Variants in PPP3CA observed in about 807,000 individuals in gnomAD.
The protein encoded by PPP3CA is protein phosphatase 3 catalytic subunit alpha, also known as CAM-PRP catalytic subunit.
PPP3CA carries 14 observed loss-of-function variants against 66.5 expected under a neutral mutation model. The ratio of observed to expected loss-of-function variants is 0.21; its 90% confidence interval spans 0.14 to 0.33. The LOEUF is 0.33. Ranked by LOEUF, PPP3CA falls within the 10% of genes least tolerant of loss-of-function variation. The probability of loss-of-function intolerance (pLI) is 1.00; values close to 1 mark genes in which losing one functional copy is unlikely to be tolerated. For missense variants in PPP3CA, 317 were observed against 639.5 expected (o/e 0.50, Z 5.44); for synonymous variants, 232 against 226.2 (o/e 1.03, Z -0.23).
At chr4:101,059,290 C>A (rs1037936191) in intron 10 of PPP3CA, among the ~76,000 whole-genome samples, 10 of 151,998 alleles carry the variant, frequency 6.6e-5, no homozygotes, top group African/African-American at 2.2e-4. Context: ...TATTTAAGTT[C>A]TTATATATTC....
chr4:101,136,411 T>G (rs781750125), intron 2 of PPP3CA, among the ~76,000 whole-genome samples: 6 of 152,016 alleles, frequency 3.9e-5, no homozygotes, highest in Non-Finnish European at 7.4e-5. Flanking sequence ...CATGGTGGCA[T>G]GTGCCTGTAG....
intron 2 of PPP3CA, among the ~76,000 whole-genome samples, chr4:101,173,067 A>C (rs965865816): frequency 5.3e-5 from 8 of 152,084 alleles, no homozygotes; most frequent in Admixed American, 5.2e-4. Flanking sequence ...CCTCTCTACA[A>C]CTTCTTCCTC....
chr4:101,131,556 T>A (rs2110283104), intron 2 of PPP3CA, among the ~76,000 whole-genome samples: 1 of 151,760 alleles, frequency 6.6e-6, no homozygotes, highest in African/African-American at 2.4e-5. Context: ...GAGCTAACTA[T>A]CCTAAATATA....
chr4:101,298,668 T>G (rs1380300909), intron 1 of PPP3CA, among the ~76,000 whole-genome samples: 2 of 152,218 alleles, frequency 1.3e-5, no homozygotes, highest in African/African-American at 4.8e-5. Context: ...ATATGGTATA[T>G]ATAATACATA....
At chr4:101,339,670 A>G (rs1254694571) in intron 1 of PPP3CA, among the ~76,000 whole-genome samples, 1 of 152,238 alleles carries the variant, frequency 6.6e-6, no homozygotes, top group Non-Finnish European at 1.5e-5. Flanking sequence ...GAGGCACATG[A>G]GAATTTTACA....
At chr4:101,115,112 T>C (rs1446906250) in intron 2 of PPP3CA, among the ~76,000 whole-genome samples, 1 of 151,970 alleles carries the variant, frequency 6.6e-6, no homozygotes, top group Non-Finnish European at 1.5e-5. Flanking sequence ...GTAGTGCTGA[T>C]GAGAGAAAAA....
rs534047514 is a variant in PPP3CA at position 101,328,244 on chromosome 4, G to A, written c.58+18495C>T. Among the ~76,000 whole-genome samples the A allele has an allele frequency of 2.0e-4, 31 of 152,260 alleles. 1 individual carries two copies. The South Asian group carries it at 5.4e-3, about 26-fold the overall frequency. On this transcript the variant is annotated intron_variant, in intron 1 of 13. Transcript: ENST00000394854. Reference sequence around the variant, plus strand: ...CAAGGTTCAGTTGGATTCAAAATGCGTTTATGAATCACAAGAACAAACAAC... The same window carrying A: ...CAAGGTTCAGTTGGATTCAAAATGCATTTATGAATCACAAGAACAAACAAC...
intron 4 of PPP3CA, 64 bp downstream of exon 4, chr4:101,099,547 T>G: frequency 2.2e-6 from 2 of 889,910 alleles, no homozygotes; most frequent in South Asian, 3.5e-5. Flanking sequence ...ATGTATCTTA[T>G]TATTGATTAA....
chr4:101,197,299 T>G (rs1004670209), intron 1 of PPP3CA, among the ~76,000 whole-genome samples: 4 of 152,220 alleles, frequency 2.6e-5, no homozygotes, highest in South Asian at 2.1e-4. Context: ...GGCATAGATT[T>G]GTAATCCCGA....
intron 1 of PPP3CA, among the ~76,000 whole-genome samples, chr4:101,343,391 A>G (rs908831548): frequency 2.0e-5 from 3 of 152,194 alleles, no homozygotes; most frequent in Admixed American, 6.5e-5. Flanking sequence ...AAGAAAAGCC[A>G]AAGTTTGAGA....
At chr4:101,214,311 T>C (rs1352763854) in intron 1 of PPP3CA, among the ~76,000 whole-genome samples, 6 of 152,054 alleles carry the variant, frequency 3.9e-5, no homozygotes, top group Non-Finnish European at 8.8e-5. Context: ...AAAATGGGCA[T>C]AATGACAGCA....
At chr4:101,345,688 T>C (rs1362518555) in intron 1 of PPP3CA, among the ~76,000 whole-genome samples, 1 of 152,080 alleles carries the variant, frequency 6.6e-6, no homozygotes, top group Non-Finnish European at 1.5e-5. Context: ...GCCGATAGAT[T>C]CCCGTGCGAC....
rs1730041202 is a variant in PPP3CA, at chr4:101,347,199, A to G, written c.-403T>C. Reference sequence around the variant, plus strand: ...GCGGAATGGAGCCCCACGCGCGCACACACGGCCAGGATTAAGACCGATCAC... The same window carrying G: ...GCGGAATGGAGCCCCACGCGCGCACGCACGGCCAGGATTAAGACCGATCAC... On this transcript the variant is annotated 5_prime_UTR_variant, in exon 1 of 14. Coordinates refer to ENST00000394854, the MANE Select transcript of PPP3CA (RefSeq NM_000944.5). The G allele has an allele frequency of 6.0e-6, 2 of 332,194 alleles. No homozygotes were observed. The highest frequency in any genetic ancestry group is 2.0e-4 in the East Asian group (2 of 10,166). 20.6% of individuals were successfully genotyped at this position (332,194 alleles called of 1,614,324 possible).
At chr4:101,101,634 G>GA (rs1553925027) in intron 3 of PPP3CA, among the ~76,000 whole-genome samples, 1 of 149,566 alleles carries the variant, frequency 6.7e-6, no homozygotes, top group Non-Finnish European at 1.5e-5. Context: ...CTTTTTTAAA[G>GA]TTTTTTTTTT....
At chr4:101,044,229 G>C (rs1360832063) in intron 10 of PPP3CA, among the ~76,000 whole-genome samples, 1 of 151,994 alleles carries the variant, frequency 6.6e-6, no homozygotes, top group South Asian at 2.1e-4. Flanking sequence ...CCAGGTTTTC[G>C]GTATTTTCCA....
intron 1 of PPP3CA, among the ~76,000 whole-genome samples, chr4:101,302,550 G>A (rs1728412444): frequency 1.3e-5 from 2 of 152,070 alleles, no homozygotes; most frequent in African/African-American, 4.8e-5. Flanking sequence ...GTTTTTTTGA[G>A]ATGGAATTTC....
chr4:101,092,528 T>C (rs554915385), intron 6 of PPP3CA, among the ~76,000 whole-genome samples: 5 of 152,110 alleles, frequency 3.3e-5, no homozygotes, highest in African/African-American at 9.6e-5. Flanking sequence ...TGGCGGTTTG[T>C]TGCACCCATC....
At chr4:101,092,505 T>A (rs1447386696) in intron 6 of PPP3CA, among the ~76,000 whole-genome samples, 1 of 152,062 alleles carries the variant, frequency 6.6e-6, no homozygotes, top group African/African-American at 2.4e-5. Context: ...GTTACATAGG[T>A]ATACATGTGC....
chr4:101,205,250 A>G (rs959194288), intron 1 of PPP3CA, among the ~76,000 whole-genome samples: 1 of 152,138 alleles, frequency 6.6e-6, no homozygotes, highest in African/African-American at 2.4e-5. Flanking sequence ...TTTAAACATG[A>G]TAATTATTCC....
Sources: allele counts gnomAD v4.1 joint callset (sites outside exome capture counted in the v4.1 genomes callset), GRCh38; gene constraint gnomAD v4.1.1; transcripts MANE v1.5; gene names NCBI Gene and HGNC (gene_info 2026-07-23, HGNC 2026-07-21).